The following TTC3 variants were observed in gnomAD, a reference collection of about 807,000 sequenced individuals.
TTC3 encodes tetratricopeptide repeat domain 3.
A neutral mutation model predicts 249.6 loss-of-function variants in TTC3; 180 were observed. The ratio of observed to expected loss-of-function variants is 0.72; its 90% CI spans 0.64 to 0.82. The LOEUF is 0.82. Ranked by LOEUF, TTC3 falls within the 40% of genes least tolerant of loss-of-function variation. TTC3 has a pLI of 0.00. For synonymous variants in TTC3, 717 were observed against 805.0 expected (o/e 0.89, Z 1.85); for missense variants, 2,061 against 2,398.4 (o/e 0.86, Z 2.94).
At chr21:37,076,263 TGTAA>T (rs1335505820) in intron 1 of TTC3, among the ~76,000 whole-genome samples, 1 of 152,218 alleles carries the variant, frequency 6.6e-6, no homozygotes, top group Non-Finnish European at 1.5e-5. Flanking sequence ...TGGGTATAGA[TGTAA>T]GTCATTAATT....
At chr21:37,164,133 G>C in exon 32 of TTC3, 1 of 1,613,712 alleles carries the variant, frequency 6.2e-7, no homozygotes, top group African/African-American at 1.3e-5. Flanking sequence ...AGCTCTCTAT[G>C]ACCAACACAG....
chr21:37,088,055 T>G, intron 3 of TTC3, 141 bp from the exon 4 acceptor site: 1 of 983,878 alleles, frequency 1.0e-6, no homozygotes, highest in Non-Finnish European at 1.5e-6. Flanking sequence ...ACTTAAATAT[T>G]CTTAACATTT....
exon 4 of TTC3, chr21:37,088,243 C>A (rs1393585217): frequency 6.2e-7 from 1 of 1,612,718 alleles, no homozygotes; most frequent in Admixed American, 1.7e-5. Flanking sequence ...TTCTGTCCTG[C>A]AAGATTATTG....
At chr21:37,081,865 CT>C (rs746285811) in intron 1 of TTC3, 4,760 of 135,718 alleles carry the variant, frequency 0.035, 178 homozygotes, top group Admixed American at 0.12. Context: ...TTTTTAATTA[CT>C]TTTTTTTTTT....
intron 27 of TTC3, 28 bp downstream of exon 27, chr21:37,153,305 A>G: frequency 6.4e-7 from 1 of 1,567,854 alleles, no homozygotes; most frequent in East Asian, 2.2e-5. Flanking sequence ...CCAGAGCAAT[A>G]AACTTTAATA....
At chr21:37,138,640 A>T in exon 19 of TTC3, 1 of 1,611,366 alleles carries the variant, frequency 6.2e-7, no homozygotes. Context: ...ACAGCAATTG[A>T]ACCTGGCCAT....
At chr21:37,185,106 G>T (rs2835652) in intron 36 of TTC3, among the ~76,000 whole-genome samples, 80,901 of 152,038 alleles carry the variant, frequency 0.53, 22,143 homozygotes, top group African/African-American at 0.64. Flanking sequence ...AAACTGGCTT[G>T]TATTAGAAAC....
chr21:37,135,477 C>T (rs1272146832), exon 18 of TTC3: 1 of 1,614,056 alleles, frequency 6.2e-7, no homozygotes, highest in Admixed American at 1.7e-5. Context: ...CAGGCCTTTA[C>T]AGAGTTGCTG....
intron 13 of TTC3, among the ~76,000 whole-genome samples, chr21:37,123,347 G>C (rs1323550281): frequency 1.3e-5 from 2 of 152,206 alleles, no homozygotes; most frequent in African/African-American, 4.8e-5. Context: ...GCAGCACAGA[G>C]CTAGGACATA....
chr21:37,140,763 A>G (rs562462094), intron 20 of TTC3, 90 bp downstream of exon 20: 2 of 846,954 alleles, frequency 2.4e-6, no homozygotes, highest in African/African-American at 1.8e-5. Flanking sequence ...AATTATTTTG[A>G]TATCTCCTCT....
intron 13 of TTC3, 119 bp from the exon 14 acceptor site, chr21:37,124,500 A>G: frequency 9.3e-7 from 1 of 1,079,720 alleles, no homozygotes; most frequent in Non-Finnish European, 1.3e-6. Context: ...CAGGTAGGAA[A>G]TCTTTTTAAA....
At chr21:37,197,828 A>G in intron 43 of TTC3, 54 bp from the exon 44 acceptor site, 1 of 1,579,264 alleles carries the variant, frequency 6.3e-7, no homozygotes, top group Non-Finnish European at 8.6e-7. Context: ...AAGTTGTTGG[A>G]TAACTGGTTG....
intron 34 of TTC3, among the ~76,000 whole-genome samples, chr21:37,172,178 G>C (rs1601967014): frequency 6.6e-6 from 1 of 152,118 alleles, no homozygotes; most frequent in East Asian, 1.9e-4. Flanking sequence ...CTATTTATTT[G>C]AAACACCTAA....
intron 11 of TTC3, among the ~76,000 whole-genome samples, chr21:37,120,646 C>G (rs182142356): frequency 6.6e-6 from 1 of 152,142 alleles, no homozygotes; most frequent in East Asian, 1.9e-4. Context: ...AATGAAATGC[C>G]ATATGAATTG....
chr21:37,100,618 A>C (rs1395203022), intron 10 of TTC3, among the ~76,000 whole-genome samples: 1 of 151,964 alleles, frequency 6.6e-6, no homozygotes, highest in South Asian at 2.1e-4. Context: ...GCCTTTCAAA[A>C]CCCCCCTGGG....
At chr21:37,099,766 C>T (rs1022551717) in intron 10 of TTC3, among the ~76,000 whole-genome samples, 3 of 152,200 alleles carry the variant, frequency 2.0e-5, no homozygotes, top group Admixed American at 6.5e-5. Context: ...TGTGCATACT[C>T]TGCAACCCAC....
intron 16 of TTC3, among the ~76,000 whole-genome samples, chr21:37,132,024 T>G (rs567057202): frequency 2.0e-5 from 3 of 152,322 alleles, no homozygotes; most frequent in African/African-American, 4.8e-5. Flanking sequence ...TACTAGTGAC[T>G]ACAGATCAAG....
At chr21:37,173,801 C>G (rs2082009718) in intron 35 of TTC3, among the ~76,000 whole-genome samples, 1 of 152,098 alleles carries the variant, frequency 6.6e-6, no homozygotes, top group South Asian at 2.1e-4. Context: ...TGGGGAGAGT[C>G]TAAGGACAAG....
rs1491339093 is a variant in TTC3, at chr21:37,196,238, T to TTTC, written c.5579+204_5579+205insCTT. 7.8e-4 allele frequency among the ~76,000 whole-genome samples: 18 copies of TTTC among 23,134 alleles called. No individual in the cohort carries two copies. In the East Asian group the frequency reaches 0.027, roughly 35 times the overall value. The allele number at this position is 23,134 out of a possible 152,430, so 15.2% of individuals were successfully genotyped here. On this transcript the variant is annotated intron_variant, in intron 42 of 45. Coordinates refer to ENST00000355666, the Ensembl canonical transcript of TTC3. ...AATAAATTGGTGGGTTTTTTCTTTC[T>TTTC]TTTTTTTTTTTTTTTTGAGACAGAG...
Sources: allele counts gnomAD v4.1 joint callset (sites outside exome capture counted in the v4.1 genomes callset), GRCh38; gene constraint gnomAD v4.1.1; transcripts MANE v1.5; gene names NCBI Gene and HGNC (gene_info 2026-07-23, HGNC 2026-07-21).